RABGAP1L: variants seen among roughly 807,000 people sequenced by gnomAD.
RABGAP1L encodes rab GTPase-activating protein 1-like.
In RABGAP1L, 63 loss-of-function variants were observed where a neutral mutation model predicts 137.7. The ratio of observed to expected loss-of-function variants is 0.46; its 90% confidence interval spans 0.37 to 0.56. RABGAP1L has a LOEUF of 0.56. Among genes scored for constraint, RABGAP1L ranks in the 20% least tolerant of loss-of-function variants. RABGAP1L has a pLI of 0.00. For missense variants in RABGAP1L, 1,095 were observed against 1,244.0 expected (o/e 0.88, Z 1.80); for synonymous variants, 431 against 433.7 (o/e 0.99, Z 0.08).
intron 13 of RABGAP1L, among the ~76,000 whole-genome samples, chr1:174,532,839 C>T (rs919866866): frequency 2.6e-5 from 4 of 152,126 alleles, no homozygotes; most frequent in Admixed American, 1.3e-4. Context: ...CAAGTTGCCA[C>T]TAATACCACT....
At chr1:174,439,560 G>A (rs1379906768) in intron 13 of RABGAP1L, among the ~76,000 whole-genome samples, 1 of 152,154 alleles carries the variant, frequency 6.6e-6, no homozygotes, top group African/African-American at 2.4e-5. Flanking sequence ...CAAAGCACTA[G>A]TGAAATACTC....
At chr1:174,632,228 C>T (rs1233375321) in intron 13 of RABGAP1L, among the ~76,000 whole-genome samples, 3 of 142,066 alleles carry the variant, frequency 2.1e-5, no homozygotes, top group African/African-American at 8.3e-5. Context: ...GGCCCCCACT[C>T]TCTTCTGGCT....
At chr1:174,725,518 T>C (rs1681907739) in intron 17 of RABGAP1L, among the ~76,000 whole-genome samples, 1 of 152,222 alleles carries the variant, frequency 6.6e-6, no homozygotes, top group Non-Finnish European at 1.5e-5. Flanking sequence ...AGTGGAATTA[T>C]AAACTGAAAG....
chr1:174,466,336 A>G (rs1047344398), intron 13 of RABGAP1L, among the ~76,000 whole-genome samples: 2 of 152,244 alleles, frequency 1.3e-5, no homozygotes, highest in African/African-American at 4.8e-5. Flanking sequence ...GGCAAAACTT[A>G]GTAAAAAGCT....
chr1:174,877,446 G>A, intron 19 of RABGAP1L: 1 of 1,611,404 alleles, frequency 6.2e-7, no homozygotes, highest in Non-Finnish European at 8.5e-7. Context: ...GGATAGTCTG[G>A]TCTGGAGCTG....
intron 19 of RABGAP1L, among the ~76,000 whole-genome samples, chr1:174,931,055 A>G (rs763433194): frequency 6.6e-5 from 10 of 152,170 alleles, no homozygotes; most frequent in Admixed American, 2.6e-4. Flanking sequence ...AAATCATCCC[A>G]TCATTGTCCC....
intron 11 of RABGAP1L, among the ~76,000 whole-genome samples, chr1:174,329,638 A>T (rs1680838860): frequency 1.3e-5 from 2 of 152,308 alleles, no homozygotes; most frequent in South Asian, 4.1e-4. Context: ...CATTATCTAG[A>T]AGGATTCAAC....
chr1:174,347,438 T>A (rs1472553663), intron 11 of RABGAP1L, among the ~76,000 whole-genome samples: 1 of 151,222 alleles, frequency 6.6e-6, no homozygotes, highest in Admixed American at 6.6e-5. Context: ...TGTTGCTGAA[T>A]TGACCCCTTT....
chr1:174,838,648 G>A (rs1040312097), intron 19 of RABGAP1L, among the ~76,000 whole-genome samples: 7 of 151,972 alleles, frequency 4.6e-5, no homozygotes, highest in Admixed American at 1.3e-4. Context: ...AAATGACATG[G>A]GCCGGGCGCT....
At chr1:174,630,752 T>A (rs1298722149) in intron 13 of RABGAP1L, among the ~76,000 whole-genome samples, 1 of 146,424 alleles carries the variant, frequency 6.8e-6, no homozygotes, top group Non-Finnish European at 1.5e-5. Context: ...CCTTTATCAT[T>A]TTTTATTGCA....
intron 18 of RABGAP1L, among the ~76,000 whole-genome samples, chr1:174,772,053 G>C (rs976233921): frequency 4.6e-5 from 7 of 152,034 alleles, no homozygotes; most frequent in African/African-American, 1.7e-4. Context: ...CAAAAAATTA[G>C]CCGGGCCTGG....
At chr1:174,241,187 G>T (rs907230254) in intron 4 of RABGAP1L, among the ~76,000 whole-genome samples, 1 of 152,024 alleles carries the variant, frequency 6.6e-6, no homozygotes, top group Non-Finnish European at 1.5e-5. Context: ...GGGTGTGATG[G>T]CAGGCACCTG....
intron 1 of RABGAP1L, among the ~76,000 whole-genome samples, chr1:174,211,744 C>T (rs1668903637): frequency 6.6e-6 from 1 of 151,976 alleles, no homozygotes; most frequent in Admixed American, 6.6e-5. Flanking sequence ...ACATACTTTA[C>T]CTGTAAAGAC....
chr1:174,477,980 T>C (rs1198705751), intron 13 of RABGAP1L, among the ~76,000 whole-genome samples: 1 of 152,156 alleles, frequency 6.6e-6, no homozygotes, highest in Non-Finnish European at 1.5e-5. Context: ...AATAATGTCA[T>C]AAACTAGTAA....
intron 11 of RABGAP1L, among the ~76,000 whole-genome samples, chr1:174,333,344 T>TA (rs1226795870): frequency 6.6e-6 from 1 of 152,226 alleles, no homozygotes; most frequent in Admixed American, 6.5e-5. Flanking sequence ...AAAGAAATGA[T>TA]AAATGTTTAA....
At chr1:174,565,124 A>G (rs1032820283) in intron 13 of RABGAP1L, among the ~76,000 whole-genome samples, 2 of 152,230 alleles carry the variant, frequency 1.3e-5, no homozygotes, top group South Asian at 2.1e-4. Flanking sequence ...GGTTTAATAG[A>G]TTGGAAGAAG....
chr1:174,835,592 ATTTTC>A lies in RABGAP1L; in HGVS notation c.2340+23641_2340+23645del, dbSNP rs140981818. ...GATTGGCTAACTGTTCACCAAATCT[ATTTTC>A]TTTTCTTTCTGCTGACACAGCTGGA... On this transcript the variant is annotated intron_variant, in intron 19 of 25. Coordinates refer to ENST00000681986, the MANE Select transcript of RABGAP1L (RefSeq NM_001366446.1). Among the ~76,000 whole-genome samples, 1,437 of 152,130 alleles carry A rather than the reference ATTTTC, an allele frequency of 9.4e-3. 23 individuals carry two copies. The highest frequency in any genetic ancestry group is 0.033 in the African/African-American group (1,378 of 41,480).
chr1:174,325,683 G>A lies in RABGAP1L; in HGVS notation c.1465+20556G>A, dbSNP rs116355699. The stretch of plus-strand genomic sequence containing the variant: ...ACAATCCTGGGTCCCTTCACAGGAG[G>A]CTCACTTCTGCACTGGCCCATTGGG... On this transcript the variant is annotated intron_variant, in intron 11 of 25. Transcript: ENST00000681986. Among the ~76,000 whole-genome samples, 1,027 of 152,268 alleles carry A rather than the reference G, an allele frequency of 6.7e-3. 13 individuals carry two copies. Among genetic ancestry groups the A allele is most frequent in the African/African-American group, 0.023 (966 of 41,534 alleles).
intron 13 of RABGAP1L, among the ~76,000 whole-genome samples, chr1:174,555,993 CTTTTTTTTTT>C (rs367653521): frequency 3.5e-5 from 4 of 115,468 alleles, no homozygotes; most frequent in South Asian, 5.8e-4. Flanking sequence ...GTTCGTTTGC[CTTTTTTTTTT>C]TTTTTTTTTT....
Sources: allele counts gnomAD v4.1 joint callset (sites outside exome capture counted in the v4.1 genomes callset), GRCh38; gene constraint gnomAD v4.1.1; transcripts MANE v1.5; gene names NCBI Gene and HGNC (gene_info 2026-07-23, HGNC 2026-07-21).